Variants in PKHD1 observed in about 807,000 individuals in gnomAD.
PKHD1 encodes PKHD1 ciliary IPT domain containing fibrocystin/polyductin.
A neutral mutation model predicts 412.0 loss-of-function variants in PKHD1; 291 were observed. The observed-to-expected ratio is 0.71, with a 90% CI of 0.64 to 0.78. The LOEUF (loss-of-function observed/expected upper bound fraction) is 0.78, where lower values mean the gene tolerates loss of function less well. Ranked by LOEUF, PKHD1 falls within the 30% of genes least tolerant of loss-of-function variation. The pLI is 0.00. For missense variants in PKHD1, 4,825 were observed against 4,950.7 expected (o/e 0.97, Z 0.76); for synonymous variants, 1,777 against 1,821.5 (o/e 0.98, Z 0.62).
chr6:51,855,037 G>A (rs1215152084), intron 49 of PKHD1, among the ~76,000 whole-genome samples: 2 of 152,220 alleles, frequency 1.3e-5, no homozygotes, highest in Non-Finnish European at 2.9e-5. Flanking sequence ...CTCTAGGCCC[G>A]GGTGGTGGTG....
chr6:52,033,061 C>G lies in PKHD1; in HGVS notation c.3333G>C (p.Val1111=). 1 of 1,612,496 alleles carries G rather than the reference C, an allele frequency of 6.2e-7. No individual in the cohort carries two copies. The highest frequency in any genetic ancestry group is 8.5e-7 in the Non-Finnish European group (1 of 1,178,658). ...TATTGCTTATGTTTCTGCTCAGAGT[C>G]ACAATAACTGGATTTAAGGAAGAGA... is the stretch of plus-strand genomic sequence containing the variant. The part of the protein sequence containing the change: ...TYVSSLNPVI[V]TLSRNISNIA... The change falls in exon 29 of 67, where the codon GTG becomes GTC. Residue 1111 remains valine (V), a synonymous_variant. Transcript: ENST00000371117.
chr6:51,853,961 T>C (rs748866239), intron 49 of PKHD1, among the ~76,000 whole-genome samples: 3 of 152,216 alleles, frequency 2.0e-5, no homozygotes. Context: ...GTGCCCTTGA[T>C]GGAGAAATGT....
intron 59 of PKHD1, among the ~76,000 whole-genome samples, chr6:51,746,024 A>T (rs1447005837): frequency 1.3e-5 from 2 of 151,728 alleles, no homozygotes; most frequent in Non-Finnish European, 2.9e-5. Flanking sequence ...CCAATAAAGG[A>T]GTTTGCCCCA....
At chr6:51,849,524 G>A (rs766975293) in intron 49 of PKHD1, among the ~76,000 whole-genome samples, 37 of 152,132 alleles carry the variant, frequency 2.4e-4, no homozygotes, top group African/African-American at 7.2e-4. Flanking sequence ...GTGTAAAAGC[G>A]TTCCTGTTTC....
At chr6:51,804,283 A>G (rs1352435728) in intron 52 of PKHD1, among the ~76,000 whole-genome samples, 3 of 137,832 alleles carry the variant, frequency 2.2e-5, no homozygotes, top group African/African-American at 8.4e-5. Flanking sequence ...TAGTTCCAGT[A>G]ATTTCTCAGC....
intron 48 of PKHD1, among the ~76,000 whole-genome samples, chr6:51,860,840 T>G (rs1365973136): frequency 2.0e-5 from 3 of 152,082 alleles, no homozygotes; most frequent in Non-Finnish European, 4.4e-5. Context: ...AGATGGAGTT[T>G]CACTCTTGTT....
chr6:51,631,937 T>G (rs1767970029), intron 65 of PKHD1, among the ~76,000 whole-genome samples: 1 of 150,788 alleles, frequency 6.6e-6, no homozygotes, highest in South Asian at 2.1e-4. Context: ...CTTTTTTTTT[T>G]TCTTTTTTTT....
intron 27 of PKHD1, among the ~76,000 whole-genome samples, chr6:52,036,039 C>T (rs1314383597): frequency 1.3e-5 from 2 of 152,134 alleles, no homozygotes; most frequent in Admixed American, 1.3e-4. Flanking sequence ...TTTTGAATAT[C>T]ATTCCTGCAA....
At chr6:52,051,879 T>C (rs562829545) in intron 21 of PKHD1, among the ~76,000 whole-genome samples, 1 of 152,284 alleles carries the variant, frequency 6.6e-6, no homozygotes, top group East Asian at 1.9e-4. Context: ...AGCACGTCAC[T>C]TGAGTAGTGT....
intron 60 of PKHD1, among the ~76,000 whole-genome samples, chr6:51,688,411 T>A (rs1398981527): frequency 6.7e-6 from 1 of 150,284 alleles, no homozygotes; most frequent in Non-Finnish European, 1.5e-5. Flanking sequence ...ATATCACAAC[T>A]AAAACAACTA....
chr6:51,968,296 G>C (rs575911872), intron 35 of PKHD1, among the ~76,000 whole-genome samples: 38 of 152,312 alleles, frequency 2.5e-4, no homozygotes, highest in African/African-American at 7.9e-4. Context: ...GGCTAAAGAA[G>C]CATCAAGCTA....
intron 35 of PKHD1, among the ~76,000 whole-genome samples, chr6:52,009,124 A>T (rs1476717065): frequency 6.6e-6 from 1 of 152,188 alleles, no homozygotes; most frequent in Non-Finnish European, 1.5e-5. Context: ...TCTGGAGAGA[A>T]TTAAAATTGG....
intron 52 of PKHD1, among the ~76,000 whole-genome samples, chr6:51,822,550 T>G (rs938389032): frequency 1.3e-5 from 2 of 152,304 alleles, no homozygotes; most frequent in Admixed American, 1.3e-4. Flanking sequence ...ATAGCTCTCA[T>G]ATGAGTCCTA....
intron 37 of PKHD1, among the ~76,000 whole-genome samples, chr6:51,925,553 A>C (rs1785445374): frequency 6.6e-6 from 1 of 152,090 alleles, no homozygotes; most frequent in Non-Finnish European, 1.5e-5. Context: ...AATGTAGATG[A>C]GCCTTATCCA....
In PKHD1 at chr6:51,940,943, C is replaced by T. The variant is rs532072208; in HGVS notation, c.5909-6621G>A. ...CACCTGCCCAGTTCCCTTATTAGGC[C>T]GAGACATTTTAATTGAATTATCTGC... is the stretch of plus-strand genomic sequence containing the variant. On this transcript the variant is annotated intron_variant, in intron 36 of 66. Coordinates refer to ENST00000371117, the MANE Select transcript of PKHD1 (RefSeq NM_138694.4). 4.0e-5 allele frequency among the ~76,000 whole-genome samples: 6 copies of T among 151,496 alleles called. No homozygotes were observed. The South Asian group carries it at 8.3e-4, about 21-fold the overall frequency.
In PKHD1 at chr6:51,841,116, C is replaced by T. The variant is rs549245699; in HGVS notation, c.8108-4647G>A. Reference sequence around the variant, plus strand: ...TAAAGTTCAGGAAGCACAGTGTTAACTAAGTATTGTTTTTTCTTATAAATT... The same window carrying T: ...TAAAGTTCAGGAAGCACAGTGTTAATTAAGTATTGTTTTTTCTTATAAATT... On this transcript the variant is annotated intron_variant, in intron 50 of 66. Transcript: ENST00000371117. 4.6e-5 allele frequency among the ~76,000 whole-genome samples: 7 copies of T among 152,180 alleles called. No individual in the cohort carries two copies. The East Asian group carries it at 1.2e-3, about 25-fold the overall frequency.
intron 60 of PKHD1, among the ~76,000 whole-genome samples, chr6:51,676,257 A>AC (rs1775834216): frequency 6.6e-6 from 1 of 151,162 alleles, no homozygotes; most frequent in Non-Finnish European, 1.5e-5. Flanking sequence ...GAAAAGAAAA[A>AC]AAAAAACTTC....
chr6:51,873,098 T>C (rs1436617587), intron 46 of PKHD1, among the ~76,000 whole-genome samples: 1 of 152,186 alleles, frequency 6.6e-6, no homozygotes, highest in Non-Finnish European at 1.5e-5. Context: ...CTCTGGATTG[T>C]TGCTTGGCAT....
chr6:51,704,367 T>C (rs1286771125), intron 60 of PKHD1, among the ~76,000 whole-genome samples: 1 of 151,990 alleles, frequency 6.6e-6, no homozygotes, highest in Non-Finnish European at 1.5e-5. Flanking sequence ...TGAACTGAGA[T>C]TTTCTTCTAT....
Sources: allele counts gnomAD v4.1 joint callset (sites outside exome capture counted in the v4.1 genomes callset), GRCh38; gene constraint gnomAD v4.1.1; transcripts MANE v1.5; gene names NCBI Gene and HGNC (gene_info 2026-07-23, HGNC 2026-07-21).